The following PPP6R3 variants were observed in gnomAD, a reference collection of about 807,000 sequenced individuals.
The protein encoded by PPP6R3 is serine/threonine-protein phosphatase 6 regulatory subunit 3.
PPP6R3 carries 38 observed loss-of-function variants against 110.7 expected under a neutral mutation model. That is an observed-to-expected ratio of 0.34 (90% CI 0.26 to 0.45). The LOEUF (loss-of-function observed/expected upper bound fraction) is 0.45, where lower values mean the gene tolerates loss of function less well. PPP6R3 is among the 20% of genes least tolerant of loss of function. The probability of loss-of-function intolerance (pLI) is 1.00; values close to 1 mark genes in which losing one functional copy is unlikely to be tolerated. For synonymous variants in PPP6R3, 369 were observed against 373.5 expected (o/e 0.99, Z 0.14); for missense variants, 870 against 1,062.4 (o/e 0.82, Z 2.52).
intron 18 of PPP6R3, among the ~76,000 whole-genome samples, chr11:68,594,117 A>G (rs1461978550): frequency 6.6e-6 from 1 of 152,208 alleles, no homozygotes; most frequent in African/African-American, 2.4e-5. Flanking sequence ...TATTAATCTC[A>G]AAAGATTTCA....
chr11:68,475,181 A>G (rs1488524170), intron 1 of PPP6R3, among the ~76,000 whole-genome samples: 2 of 152,178 alleles, frequency 1.3e-5, no homozygotes, highest in South Asian at 2.1e-4. Context: ...CCCTTAATCC[A>G]TTTAACCCTG....
At chr11:68,550,656 A>G (rs975509106) in intron 5 of PPP6R3, among the ~76,000 whole-genome samples, 9 of 152,182 alleles carry the variant, frequency 5.9e-5, no homozygotes, top group Non-Finnish European at 1.2e-4. Context: ...TTTGTAATCT[A>G]AAAGTCCCAT....
intron 1 of PPP6R3, among the ~76,000 whole-genome samples, chr11:68,508,410 G>A (rs867835993): frequency 6.6e-6 from 1 of 152,040 alleles, no homozygotes; most frequent in African/African-American, 2.4e-5. Context: ...GATTACAGGC[G>A]TGAGCCACCG....
intron 14 of PPP6R3, among the ~76,000 whole-genome samples, chr11:68,581,372 G>A (rs1053739336): frequency 1.3e-5 from 2 of 152,182 alleles, no homozygotes; most frequent in African/African-American, 4.8e-5. Flanking sequence ...ATCTTATTTT[G>A]TAGGAAAAAG....
chr11:68,597,377 C>G (rs1370760190), intron 19 of PPP6R3, among the ~76,000 whole-genome samples: 1 of 152,080 alleles, frequency 6.6e-6, no homozygotes, highest in Non-Finnish European at 1.5e-5. Flanking sequence ...GTGGCGGGAG[C>G]GAAGGCCAGA....
At chr11:68,515,465 C>T (rs1199697795) in intron 1 of PPP6R3, among the ~76,000 whole-genome samples, 1 of 128,272 alleles carries the variant, frequency 7.8e-6, no homozygotes, top group Non-Finnish European at 1.7e-5. Context: ...ACAATGAGAA[C>T]ATAGAGAAGA....
rs550548211 is a variant in PPP6R3 at position 68,604,208 on chromosome 11, G to A, written c.2450+716G>A. ...ATGAGCAATTATTCTCAAAACTTAA[G>A]TTAAAAGCTAGCAAACCAAATGTAG... On this transcript the variant is annotated intron_variant, in intron 22 of 23. Transcript: ENST00000393800. 1.6e-4 allele frequency among the ~76,000 whole-genome samples: 25 copies of A among 152,288 alleles called. 1 individual carries two copies. In the South Asian group the frequency reaches 5.0e-3, roughly 30 times the overall value.
intron 22 of PPP6R3, among the ~76,000 whole-genome samples, chr11:68,604,576 A>T (rs577454016): frequency 7.9e-5 from 12 of 152,342 alleles, no homozygotes; most frequent in African/African-American, 2.6e-4. Context: ...CCAAATAAAT[A>T]AATAGTCGCT....
At chr11:68,477,457 A>C (rs538738946) in intron 1 of PPP6R3, among the ~76,000 whole-genome samples, 11 of 151,970 alleles carry the variant, frequency 7.2e-5, no homozygotes, top group Non-Finnish European at 1.0e-4. Flanking sequence ...GCAGTGACTT[A>C]TGCCTGTTAT....
chr11:68,603,240 C>T, intron 21 of PPP6R3, 102 bp from the exon 22 acceptor site: 2 of 1,430,904 alleles, frequency 1.4e-6, no homozygotes, highest in Non-Finnish European at 9.4e-7. Context: ...TTTTTTTCTT[C>T]AAGCAGTAGA....
At chr11:68,493,551 G>T (rs1027429731) in intron 1 of PPP6R3, among the ~76,000 whole-genome samples, 2 of 149,108 alleles carry the variant, frequency 1.3e-5, no homozygotes, top group African/African-American at 4.9e-5. Flanking sequence ...TCCTGCTACA[G>T]CCTCCCAGTA....
At chr11:68,486,104 TA>T (rs2098945481) in intron 1 of PPP6R3, among the ~76,000 whole-genome samples, 2 of 151,926 alleles carry the variant, frequency 1.3e-5, no homozygotes, top group East Asian at 1.9e-4. Flanking sequence ...AAATACGGGA[TA>T]AATATTTGGT....
intron 2 of PPP6R3, among the ~76,000 whole-genome samples, chr11:68,530,203 C>T (rs2099229620): frequency 2.0e-5 from 3 of 152,030 alleles, no homozygotes. Flanking sequence ...ACGGGTCTGA[C>T]TTGGATGACA....
At chr11:68,609,753 G>C in intron 22 of PPP6R3, 151 bp from the exon 23 acceptor site, 1 of 1,555,726 alleles carries the variant, frequency 6.4e-7, no homozygotes, top group Non-Finnish European at 8.9e-7. Flanking sequence ...CTGTGGTTGT[G>C]TGATCGTGCA....
At chr11:68,521,498 A>G (rs2099164050) in intron 2 of PPP6R3, among the ~76,000 whole-genome samples, 1 of 152,070 alleles carries the variant, frequency 6.6e-6, no homozygotes, top group Non-Finnish European at 1.5e-5. Flanking sequence ...CTCCTTTTAC[A>G]CATCTCTGCT....
intron 11 of PPP6R3, 152 bp from the exon 12 acceptor site, chr11:68,570,888 C>A: frequency 1.1e-6 from 1 of 900,744 alleles, no homozygotes; most frequent in Non-Finnish European, 1.6e-6. Flanking sequence ...TGGGTGTCTG[C>A]AGTAGATTGA....
chr11:68,594,774 A>T (rs1281616748), intron 18 of PPP6R3, among the ~76,000 whole-genome samples: 2 of 152,250 alleles, frequency 1.3e-5, no homozygotes, highest in African/African-American at 4.8e-5. Flanking sequence ...GAATAGCCAA[A>T]GCAACTCTTA....
chr11:68,483,172 C>G (rs1427375222), intron 1 of PPP6R3, among the ~76,000 whole-genome samples: 3 of 152,102 alleles, frequency 2.0e-5, no homozygotes, highest in Non-Finnish European at 4.4e-5. Context: ...AATGTTTAAG[C>G]AAAGGGAAGA....
chr11:68,464,526 A>G (rs939458243), intron 1 of PPP6R3, among the ~76,000 whole-genome samples: 9 of 152,150 alleles, frequency 5.9e-5, no homozygotes, highest in African/African-American at 1.7e-4. Flanking sequence ...ACTGTTTGTG[A>G]GTTAAGGGTT....
Sources: gnomAD v4.1 joint callset for allele counts (sites outside exome capture counted in the v4.1 genomes callset) on GRCh38, gnomAD v4.1.1 for gene constraint, MANE v1.5 for transcripts, NCBI Gene and HGNC (gene_info 2026-07-23, HGNC 2026-07-21) for gene names.